The following ABI1 variants were observed in gnomAD, a reference collection of about 807,000 sequenced individuals.
ABI1 encodes abl interactor 1.
ABI1 carries 14 observed loss-of-function variants against 54.6 expected under a neutral mutation model. The observed-to-expected ratio is 0.26, with a 90% CI of 0.17 to 0.40. The LOEUF (loss-of-function observed/expected upper bound fraction) is 0.40, where lower values mean the gene tolerates loss of function less well. ABI1 is among the 10% of genes least tolerant of loss of function. The pLI is 1.00. For synonymous variants in ABI1, 194 were observed against 209.3 expected, an observed-to-expected ratio of 0.93 and a Z score of 0.63; for missense variants, 443 against 598.3, an observed-to-expected ratio of 0.74 and a Z score of 2.71.
chr10:26,838,509 C>T (rs2049259663), intron 1 of ABI1, among the ~76,000 whole-genome samples: 1 of 152,100 alleles, frequency 6.6e-6, no homozygotes, highest in Admixed American at 6.6e-5. Context: ...GGGGAATATA[C>T]CACAAGGCTC....
chr10:26,851,038 G>T (rs2050342924), intron 1 of ABI1, among the ~76,000 whole-genome samples: 1 of 151,696 alleles, frequency 6.6e-6, no homozygotes, highest in Non-Finnish European at 1.5e-5. Flanking sequence ...AAAAAAGTAG[G>T]AAAAACCAAC....
chr10:26,832,278 C>T (rs958501484), intron 1 of ABI1, among the ~76,000 whole-genome samples: 1 of 152,066 alleles, frequency 6.6e-6, no homozygotes, highest in Non-Finnish European at 1.5e-5. Flanking sequence ...AATTTAACGG[C>T]CTTTTAAAAA....
chr10:26,781,577 C>T (rs759917873), intron 2 of ABI1, among the ~76,000 whole-genome samples: 4 of 152,320 alleles, frequency 2.6e-5, no homozygotes, highest in South Asian at 2.1e-4. Context: ...CTTTGTTCCA[C>T]GGGCAAAACT....
At chr10:26,844,723 A>G (rs1053238326) in intron 1 of ABI1, among the ~76,000 whole-genome samples, 1 of 152,242 alleles carries the variant, frequency 6.6e-6, no homozygotes, top group Non-Finnish European at 1.5e-5. Flanking sequence ...TACCTTCTGT[A>G]GGCGCATTAG....
intron 9 of ABI1, among the ~76,000 whole-genome samples, chr10:26,753,174 G>A (rs1016130127): frequency 1.3e-5 from 2 of 152,292 alleles, no homozygotes; most frequent in Non-Finnish European, 2.9e-5. Flanking sequence ...CTCGAGGGAT[G>A]AAAGGGCTAT....
At chr10:26,852,130 A>C (rs2050443838) in intron 1 of ABI1, among the ~76,000 whole-genome samples, 1 of 152,156 alleles carries the variant, frequency 6.6e-6, no homozygotes, top group Non-Finnish European at 1.5e-5. Flanking sequence ...CAACCCTCAT[A>C]AAAATTAAAA....
chr10:26,783,092 A>C (rs1043056549), intron 2 of ABI1, among the ~76,000 whole-genome samples: 1 of 152,252 alleles, frequency 6.6e-6, no homozygotes, highest in Non-Finnish European at 1.5e-5. Flanking sequence ...ACAAAATGTG[A>C]TATATACATA....
chr10:26,850,657 CAAA>C (rs560840432), intron 1 of ABI1, among the ~76,000 whole-genome samples: 14 of 101,500 alleles, frequency 1.4e-4, no homozygotes, highest in Non-Finnish European at 1.1e-4. Context: ...GACTCCGTCT[CAAA>C]AAAAAAAAAA....
At chr10:26,814,951 C>A (rs7474573) in intron 2 of ABI1, among the ~76,000 whole-genome samples, 1 of 151,858 alleles carries the variant, frequency 6.6e-6, no homozygotes, top group Non-Finnish European at 1.5e-5. Flanking sequence ...GCTCTGAATT[C>A]TAAATTTTGA....
intron 2 of ABI1, among the ~76,000 whole-genome samples, chr10:26,818,554 A>C (rs2047737639): frequency 6.8e-6 from 1 of 146,490 alleles, no homozygotes; most frequent in South Asian, 2.2e-4. Context: ...GGGTGGGGGA[A>C]GGCAGGGGCA....
intron 1 of ABI1, among the ~76,000 whole-genome samples, chr10:26,824,327 T>C (rs1157698726): frequency 6.6e-6 from 1 of 152,192 alleles, no homozygotes; most frequent in Admixed American, 6.5e-5. Context: ...TCCAGCAATA[T>C]TACACACAGA....
intron 4 of ABI1, 127 bp downstream of exon 4, chr10:26,770,948 T>C: frequency 1.1e-6 from 1 of 943,880 alleles, no homozygotes; most frequent in Non-Finnish European, 1.7e-6. Flanking sequence ...GAGTATTAAA[T>C]AATCTACATA....
At chr10:26,753,376 C>T (rs1217164157) in intron 9 of ABI1, among the ~76,000 whole-genome samples, 1 of 152,154 alleles carries the variant, frequency 6.6e-6, no homozygotes, top group Admixed American at 6.5e-5. Context: ...AGTTCATATC[C>T]TTAATTTGGC....
chr10:26,801,218 C>T (rs1475507394), intron 2 of ABI1, among the ~76,000 whole-genome samples: 5 of 152,116 alleles, frequency 3.3e-5, no homozygotes, highest in East Asian at 1.9e-4. Flanking sequence ...GAGCGTAATA[C>T]GGTGATGCAG....
At chr10:26,754,790 T>TTA (rs1838083399) in intron 9 of ABI1, among the ~76,000 whole-genome samples, 1 of 152,216 alleles carries the variant, frequency 6.6e-6, no homozygotes, top group Non-Finnish European at 1.5e-5. Context: ...TTCTAGCATA[T>TTA]TATAATTCAG....
chr10:26,747,636 T>G lies in ABI1; in HGVS notation c.*934A>C, dbSNP rs1837088508. ...ACCTACAGAATGAATGCACACAATTTGACACATTTTCTTAGTTTCAAAAGA... is the reference window on the plus strand; with the variant it reads ...ACCTACAGAATGAATGCACACAATTGGACACATTTTCTTAGTTTCAAAAGA... On this transcript the variant is annotated 3_prime_UTR_variant, in exon 11 of 11. Coordinates refer to ENST00000376140, the MANE Select transcript of ABI1 (RefSeq NM_001012750.3). 1 of 198,214 alleles carries G rather than the reference T, an allele frequency of 5.0e-6. No individual in the cohort carries two copies. 12.3% of individuals were successfully genotyped at this position (198,214 alleles called of 1,614,324 possible).
chr10:26,784,993 T>C (rs373538225), intron 2 of ABI1, among the ~76,000 whole-genome samples: 3 of 152,234 alleles, frequency 2.0e-5, no homozygotes, highest in African/African-American at 7.2e-5. Flanking sequence ...TAAAGGTTTA[T>C]TGCATTTGTT....
intron 2 of ABI1, among the ~76,000 whole-genome samples, chr10:26,817,432 A>G (rs1446875877): frequency 6.6e-6 from 1 of 152,196 alleles, no homozygotes; most frequent in African/African-American, 2.4e-5. Context: ...GTTCCAATCT[A>G]TATCAATTTT....
intron 2 of ABI1, among the ~76,000 whole-genome samples, chr10:26,800,632 A>G (rs2046488159): frequency 2.0e-5 from 3 of 152,082 alleles, no homozygotes; most frequent in Admixed American, 2.0e-4. Context: ...ACAAAAAAAT[A>G]AGGCAGGAGG....
Sources: gnomAD v4.1 joint callset for allele counts (sites outside exome capture counted in the v4.1 genomes callset) on GRCh38, gnomAD v4.1.1 for gene constraint, MANE v1.5 for transcripts, NCBI Gene and HGNC (gene_info 2026-07-23, HGNC 2026-07-21) for gene names.